Variants in CHD7 observed in about 807,000 individuals in gnomAD.
The protein encoded by CHD7 is ATP-dependent chromatin remodeler CHD7.
In CHD7, 24 loss-of-function variants were observed where a neutral mutation model predicts 307.3. That is an observed-to-expected ratio of 0.08 (90% CI 0.06 to 0.11). The LOEUF (loss-of-function observed/expected upper bound fraction) is 0.11, where lower values mean the gene tolerates loss of function less well. Among genes scored for constraint, CHD7 ranks in the 10% least tolerant of loss-of-function variants. CHD7 has a pLI of 1.00. For missense variants in CHD7, 3,106 were observed against 3,727.1 expected (o/e 0.83, Z 4.34); for synonymous variants, 1,363 against 1,349.9 (o/e 1.01, Z -0.21).
chr8:60,863,101 T>C (rs2129732229), intron 37 of CHD7: 1 of 156,394 alleles, frequency 6.4e-6, no homozygotes, highest in East Asian at 1.9e-4. Flanking sequence ...ACATGCTGGT[T>C]CTTTGTTTTA....
chr8:60,682,278 C>G (rs1805667782), intron 1 of CHD7, among the ~76,000 whole-genome samples: 1 of 152,142 alleles, frequency 6.6e-6, no homozygotes, highest in Non-Finnish European at 1.5e-5. Context: ...GTTAGCCTTA[C>G]TTTTATTGAG....
Position 60,820,069 on chromosome 8 carries a change from T to C in CHD7, c.2676T>C (p.Arg892=). The C allele has an allele frequency of 6.2e-7, 1 of 1,609,726 alleles. No individual in the cohort carries two copies. Among genetic ancestry groups the C allele is most frequent in the South Asian group, 1.1e-5 (1 of 90,100 alleles). Residue 892 remains arginine (R), a synonymous_variant, in exon 9 of 38, where the codon CGT becomes CGC. Coordinates refer to ENST00000423902, the MANE Select transcript of CHD7 (RefSeq NM_017780.4). ...TTGACCGGATAATGGACTTTGCACGTAGCACAGATGACCGGGGAGAGGTAA... is the reference window on the plus strand; with the variant it reads ...TTGACCGGATAATGGACTTTGCACGCAGCACAGATGACCGGGGAGAGGTAA... ...VEVDRIMDFA[R]STDDRGEPVT...
intron 1 of CHD7, among the ~76,000 whole-genome samples, chr8:60,712,208 T>C (rs1018923556): frequency 2.0e-5 from 3 of 152,244 alleles, no homozygotes; most frequent in African/African-American, 7.2e-5. Context: ...CAGGACAGTT[T>C]TTAAAAAATA....
intron 1 of CHD7, among the ~76,000 whole-genome samples, chr8:60,679,320 G>A (rs970660409): frequency 6.8e-6 from 1 of 146,338 alleles, no homozygotes; most frequent in Non-Finnish European, 1.5e-5. Flanking sequence ...CGCGCCCCGA[G>A]CGCCGCCCGG....
chr8:60,811,684 C>A (rs1202680288), intron 7 of CHD7, among the ~76,000 whole-genome samples: 1 of 152,052 alleles, frequency 6.6e-6, no homozygotes, highest in African/African-American at 2.4e-5. Flanking sequence ...GCATGGCTTC[C>A]AGGTGAATTC....
intron 1 of CHD7, among the ~76,000 whole-genome samples, chr8:60,710,540 A>G: frequency 6.6e-6 from 1 of 152,242 alleles, no homozygotes; most frequent in South Asian, 2.1e-4. Context: ...TCTGTTGTTA[A>G]GAACCCAGAT....
intron 9 of CHD7, 139 bp from the exon 10 acceptor site, chr8:60,821,651 T>TAC (rs1214424800): frequency 1.6e-6 from 1 of 609,400 alleles, no homozygotes; most frequent in Non-Finnish European, 2.6e-6. Context: ...AACATATATA[T>TAC]ACACATACAT....
intron 34 of CHD7, 27 bp from the exon 35 acceptor site, chr8:60,860,877 A>G (rs1241371451): frequency 1.9e-6 from 3 of 1,555,550 alleles, no homozygotes; most frequent in Non-Finnish European, 2.6e-6. Context: ...TCGTGTGAGA[A>G]TTCATACCAT....
At chr8:60,730,900 T>TAAAC (rs965898036) in intron 1 of CHD7, among the ~76,000 whole-genome samples, 9 of 152,030 alleles carry the variant, frequency 5.9e-5, no homozygotes, top group African/African-American at 1.9e-4. Flanking sequence ...ATTCCAGAAA[T>TAAAC]AACTCCTAAG....
chr8:60,856,904 T>G lies in CHD7; in HGVS notation c.7608+16T>G. The G allele has an allele frequency of 6.5e-7, 1 of 1,528,046 alleles. No homozygotes were observed. Among genetic ancestry groups the G allele is most frequent in the Non-Finnish European group, 8.8e-7 (1 of 1,140,276 alleles). The allele number at this position is 1,528,046 out of a possible 1,614,324, so 94.7% of individuals were successfully genotyped here. On this transcript the variant is annotated intron_variant, in intron 34 of 37. Coordinates refer to ENST00000423902, the MANE Select transcript of CHD7 (RefSeq NM_017780.4). ...ATTGAGTGCAGTAAGTTGGGGAGCT[T>G]GCCTGCATGGCGATTGCACGTGTTG...
intron 13 of CHD7, among the ~76,000 whole-genome samples, chr8:60,827,728 T>C (rs1315658427): frequency 4.6e-5 from 7 of 151,904 alleles, no homozygotes; most frequent in South Asian, 2.1e-4. Flanking sequence ...ATGGTAGATA[T>C]TAAGAAAATT....
At chr8:60,745,933 A>G (rs1288120176) in intron 2 of CHD7, among the ~76,000 whole-genome samples, 1 of 152,238 alleles carries the variant, frequency 6.6e-6, no homozygotes, top group East Asian at 1.9e-4. Flanking sequence ...TCCATGGTAT[A>G]TATGTTAATT....
chr8:60,759,195 G>A (rs1467642259), intron 2 of CHD7, among the ~76,000 whole-genome samples: 1 of 151,972 alleles, frequency 6.6e-6, no homozygotes, highest in East Asian at 1.9e-4. Flanking sequence ...TTTTTATCTA[G>A]AAAAAAAATC....
intron 3 of CHD7, among the ~76,000 whole-genome samples, chr8:60,782,291 G>A (rs990934409): frequency 4.6e-5 from 7 of 152,122 alleles, no homozygotes; most frequent in African/African-American, 9.7e-5. Context: ...ACCCTCATGT[G>A]CACGTGTAAA....
intron 13 of CHD7, among the ~76,000 whole-genome samples, chr8:60,828,352 G>A (rs1384789175): frequency 6.6e-6 from 1 of 152,098 alleles, no homozygotes; most frequent in Admixed American, 6.6e-5. Context: ...CTTAACTGGT[G>A]GGGATAAAAG....
At chr8:60,803,110 CT>C (rs749795073) in intron 6 of CHD7, among the ~76,000 whole-genome samples, 9 of 152,090 alleles carry the variant, frequency 5.9e-5, no homozygotes, top group Non-Finnish European at 1.3e-4. Flanking sequence ...CATTTTTGTC[CT>C]ACTAATGACT....
At chr8:60,755,246 TAAG>T (rs531940025) in intron 2 of CHD7, among the ~76,000 whole-genome samples, 80 of 152,298 alleles carry the variant, frequency 5.3e-4, no homozygotes, top group South Asian at 1.9e-3. Context: ...TTTTAAAAAA[TAAG>T]AAGGCAGTTC....
At chr8:60,693,905 A>C (rs1806325451) in intron 1 of CHD7, among the ~76,000 whole-genome samples, 1 of 152,266 alleles carries the variant, frequency 6.6e-6, no homozygotes, top group Non-Finnish European at 1.5e-5. Flanking sequence ...GTGTCATGCC[A>C]GCACCATGGA....
At chr8:60,794,298 C>T (rs971920050) in intron 3 of CHD7, among the ~76,000 whole-genome samples, 1 of 152,066 alleles carries the variant, frequency 6.6e-6, no homozygotes, top group South Asian at 2.1e-4. Context: ...TTGTCAGCAA[C>T]ATACTATGAA....
Sources: allele counts gnomAD v4.1 joint callset (sites outside exome capture counted in the v4.1 genomes callset), GRCh38; gene constraint gnomAD v4.1.1; transcripts MANE v1.5; gene names NCBI Gene and HGNC (gene_info 2026-07-23, HGNC 2026-07-21).